Variants in CSMD1 observed in about 807,000 individuals in gnomAD.
CSMD1 encodes CUB and Sushi multiple domains 1, also known as CUB and sushi domain-containing protein 1.
CSMD1 carries 213 observed loss-of-function variants against 417.5 expected under a neutral mutation model. The ratio of observed to expected loss-of-function variants is 0.51; its 90% CI spans 0.46 to 0.57. The LOEUF is 0.57. CSMD1 is among the 20% of genes least tolerant of loss of function. The pLI, the probability that CSMD1 is intolerant of heterozygous loss-of-function variation, is 0.00. For missense variants in CSMD1, 6,923 were observed against 4,529.7 expected (o/e 1.53, Z -15.17); for synonymous variants, 2,862 against 1,736.8 (o/e 1.65, Z -16.11).
chr8:4,812,596 GCTT>G lies in CSMD1; in HGVS notation c.86-175041_86-175039del, dbSNP rs1798971517. Among the ~76,000 whole-genome samples, 3 of 150,856 alleles carry G rather than the reference GCTT, an allele frequency of 2.0e-5. No individual in the cohort carries two copies. The South Asian group carries it at 6.3e-4, about 32-fold the overall frequency. On this transcript the variant is annotated intron_variant, in intron 1 of 69. Coordinates refer to ENST00000635120, the MANE Select transcript of CSMD1 (RefSeq NM_033225.6). ...TATATATTAAAGTCAATCCAAGCAAGCTTTTTTTAAAAAAACCTACATACAATA... is the reference window on the plus strand; with the variant it reads ...TATATATTAAAGTCAATCCAAGCAAGTTTTTAAAAAAACCTACATACAATA...
intron 7 of CSMD1, among the ~76,000 whole-genome samples, chr8:3,622,431 A>G (rs1168349655): frequency 6.6e-6 from 1 of 152,184 alleles, no homozygotes; most frequent in African/African-American, 2.4e-5. Flanking sequence ...ACAAAGGCCC[A>G]CTTGCATGTC....
At chr8:4,211,180 T>C (rs1414545218) in intron 3 of CSMD1, among the ~76,000 whole-genome samples, 2 of 151,804 alleles carry the variant, frequency 1.3e-5, no homozygotes, top group African/African-American at 4.8e-5. Context: ...TCCTTGTACA[T>C]GTATTTCAGG....
intron 1 of CSMD1, among the ~76,000 whole-genome samples, chr8:4,934,584 C>T (rs777210752): frequency 2.6e-5 from 4 of 152,170 alleles, no homozygotes; most frequent in African/African-American, 9.7e-5. Context: ...AGAAAGGACA[C>T]AGGCCCAATA....
intron 2 of CSMD1, among the ~76,000 whole-genome samples, chr8:4,427,062 C>T (rs1232199097): frequency 1.3e-5 from 2 of 152,030 alleles, no homozygotes; most frequent in Non-Finnish European, 2.9e-5. Flanking sequence ...CCCCAGAGAG[C>T]TTGGGAGATC....
At chr8:3,760,616 C>T (rs191223138) in intron 5 of CSMD1, among the ~76,000 whole-genome samples, 65 of 152,274 alleles carry the variant, frequency 4.3e-4, no homozygotes, top group African/African-American at 1.4e-3. Context: ...ATGCATTTCG[C>T]GTATGTGACT....
chr8:3,811,974 T>G (rs1020860059), intron 5 of CSMD1, among the ~76,000 whole-genome samples: 4 of 152,186 alleles, frequency 2.6e-5, no homozygotes, highest in Admixed American at 6.5e-5. Flanking sequence ...GCTTCAGTGT[T>G]TTTCTGAGAT....
At chr8:4,396,041 C>G (rs535776496) in intron 3 of CSMD1, among the ~76,000 whole-genome samples, 2 of 152,132 alleles carry the variant, frequency 1.3e-5, no homozygotes, top group East Asian at 1.9e-4. Flanking sequence ...GAAGGAGTAG[C>G]TAGCTATAAT....
rs527708522 is a variant in CSMD1 at position 3,473,913 on chromosome 8, C to T, written c.1449-5089G>A. On this transcript the variant is annotated intron_variant, in intron 11 of 69. Transcript: ENST00000635120. The stretch of plus-strand genomic sequence containing the variant: ...TAGAGGGTGAAAGGGAAGCAAGGCA[C>T]GTCTTACATGGCAGGAGGAGAGAGC... Among the ~76,000 whole-genome samples the T allele has an allele frequency of 1.9e-4, 29 of 152,114 alleles. 1 individual carries two copies. The highest frequency in any genetic ancestry group is 1.2e-3 in the South Asian group (6 of 4,808).
At chr8:3,512,919 C>T (rs373809274) in intron 10 of CSMD1, among the ~76,000 whole-genome samples, 60 of 152,084 alleles carry the variant, frequency 3.9e-4, no homozygotes, top group African/African-American at 5.8e-4. Context: ...AGATGTAACA[C>T]GTGGGCCCGT....
intron 5 of CSMD1, among the ~76,000 whole-genome samples, chr8:3,907,141 A>T (rs1808168106): frequency 6.6e-6 from 1 of 152,304 alleles, no homozygotes; most frequent in South Asian, 2.1e-4. Flanking sequence ...ATTACTTTTC[A>T]TGTTACGTTG....
chr8:3,983,005 C>T (rs1156246575), intron 5 of CSMD1, among the ~76,000 whole-genome samples: 4 of 152,112 alleles, frequency 2.6e-5, no homozygotes, highest in Non-Finnish European at 5.9e-5. Context: ...AGTTAGTAGC[C>T]CAAGACAGCA....
intron 1 of CSMD1, among the ~76,000 whole-genome samples, chr8:4,837,807 G>C (rs981276376): frequency 6.6e-6 from 1 of 151,786 alleles, no homozygotes; most frequent in Non-Finnish European, 1.5e-5. Context: ...TGGATATATC[G>C]TTCCCCATGA....
intron 3 of CSMD1, among the ~76,000 whole-genome samples, chr8:4,092,807 C>A (rs1472988978): frequency 6.6e-6 from 1 of 151,732 alleles, no homozygotes. Flanking sequence ...TTTAATAGAC[C>A]AATATTTTTA....
chr8:4,514,476 C>G lies in CSMD1; in HGVS notation c.303-94411G>C, dbSNP rs1470148374. Among the ~76,000 whole-genome samples the G allele has an allele frequency of 2.6e-5, 4 of 152,150 alleles. No individual in the cohort carries two copies. The East Asian group carries it at 5.8e-4, about 22-fold the overall frequency. ...ATTTTTAAGTAGCATCCTGATGATTCTCCAGGTGACGCACACATGGGAATC... is the reference window on the plus strand; with the variant it reads ...ATTTTTAAGTAGCATCCTGATGATTGTCCAGGTGACGCACACATGGGAATC... On this transcript the variant is annotated intron_variant, in intron 2 of 69. Coordinates refer to ENST00000635120, the MANE Select transcript of CSMD1 (RefSeq NM_033225.6).
intron 26 of CSMD1, among the ~76,000 whole-genome samples, chr8:3,232,146 C>G (rs910656896): frequency 3.3e-5 from 5 of 152,202 alleles, no homozygotes; most frequent in Non-Finnish European, 7.3e-5. Flanking sequence ...CCTTCTTCCT[C>G]CACTTCAGGG....
chr8:3,695,119 T>A (rs1800477407), intron 7 of CSMD1, among the ~76,000 whole-genome samples: 1 of 149,784 alleles, frequency 6.7e-6, no homozygotes, highest in East Asian at 2.0e-4. Flanking sequence ...TGTGTGTGGT[T>A]ATTGAAGAAG....
chr8:3,971,200 C>T (rs2740817), intron 5 of CSMD1, among the ~76,000 whole-genome samples: 38,569 of 151,996 alleles, frequency 0.25, 5,018 homozygotes, highest in East Asian at 0.35. Flanking sequence ...ATGTCCTCTT[C>T]GTGTTCAGAG....
chr8:4,495,249 A>C (rs1801920177), intron 2 of CSMD1, among the ~76,000 whole-genome samples: 1 of 152,214 alleles, frequency 6.6e-6, no homozygotes, highest in Non-Finnish European at 1.5e-5. Context: ...CCTGAAAACT[A>C]TAAATTGCTG....
At chr8:4,878,476 C>G (rs1422288373) in intron 1 of CSMD1, among the ~76,000 whole-genome samples, 1 of 151,690 alleles carries the variant, frequency 6.6e-6, no homozygotes, top group African/African-American at 2.4e-5. Context: ...AGAGGTAAGA[C>G]AGCATAGAAT....
Sources: gnomAD v4.1 joint callset for allele counts (sites outside exome capture counted in the v4.1 genomes callset) on GRCh38, gnomAD v4.1.1 for gene constraint, MANE v1.5 for transcripts, NCBI Gene and HGNC (gene_info 2026-07-23, HGNC 2026-07-21) for gene names.